The following SHISA6 variants were observed in gnomAD, a reference collection of about 807,000 sequenced individuals.
SHISA6 encodes shisa family member 6, also known as protein shisa-6.
Under a neutral mutation model 47.9 loss-of-function variants are expected in SHISA6, and 22 were observed. The observed-to-expected ratio is 0.46, with a 90% CI of 0.33 to 0.66. The LOEUF is 0.66. Among genes scored for constraint, SHISA6 ranks in the 30% least tolerant of loss-of-function variants. The pLI is 0.02. For synonymous variants in SHISA6, 388 were observed against 337.8 expected (o/e 1.15, Z -1.63); for missense variants, 680 against 764.6 (o/e 0.89, Z 1.30).
chr17:11,510,358 G>C (rs1277106253), intron 3 of SHISA6, among the ~76,000 whole-genome samples: 1 of 152,162 alleles, frequency 6.6e-6, no homozygotes, highest in African/African-American at 2.4e-5. Context: ...GTCCTGGGTA[G>C]GGGGAGAAGA....
chr17:11,453,997 T>C (rs1915467716), intron 3 of SHISA6, among the ~76,000 whole-genome samples: 1 of 152,208 alleles, frequency 6.6e-6, no homozygotes, highest in African/African-American at 2.4e-5. Flanking sequence ...CTTGGGTAAA[T>C]ATCTAGGAGA....
In SHISA6 at chr17:11,347,036, A is replaced by G. The variant is rs1478598275; in HGVS notation, c.800-32378A>G. On this transcript the variant is annotated intron_variant, in intron 2 of 5. Coordinates refer to ENST00000441885, the MANE Select transcript of SHISA6 (RefSeq NM_207386.4). ...TTGAGTCTGTAGCTTAAGTCATGCT[A>G]TGTAGCTGCAAAGTTCCTGTTGATG... Among the ~76,000 whole-genome samples, 7 of 152,194 alleles carry G rather than the reference A, an allele frequency of 4.6e-5. No individual in the cohort carries two copies. The South Asian group carries it at 6.2e-4, about 14-fold the overall frequency.
intron 3 of SHISA6, among the ~76,000 whole-genome samples, chr17:11,384,275 C>G (rs1913123624): frequency 6.6e-6 from 1 of 152,170 alleles, no homozygotes; most frequent in African/African-American, 2.4e-5. Context: ...GGCTGTGCTT[C>G]CATGGGAACC....
chr17:11,481,360 G>GTATA (rs1346846568), intron 3 of SHISA6, among the ~76,000 whole-genome samples: 5 of 111,578 alleles, frequency 4.5e-5, no homozygotes, highest in African/African-American at 1.4e-4. Context: ...GTGTGTGTGT[G>GTATA]TGTGTGTATA....
At chr17:11,278,513 A>G (rs1909007122) in intron 2 of SHISA6, among the ~76,000 whole-genome samples, 1 of 152,198 alleles carries the variant, frequency 6.6e-6, no homozygotes, top group Admixed American at 6.5e-5. Flanking sequence ...AGATGCAACA[A>G]AGCCAGTTTT....
At chr17:11,490,871 A>G (rs879511603) in intron 3 of SHISA6, among the ~76,000 whole-genome samples, 22 of 152,248 alleles carry the variant, frequency 1.4e-4, no homozygotes, top group Non-Finnish European at 2.6e-4. Flanking sequence ...TGATGACTCA[A>G]TGAAGAGAAA....
chr17:11,348,455 T>C, intron 2 of SHISA6, among the ~76,000 whole-genome samples: 1 of 152,194 alleles, frequency 6.6e-6, no homozygotes. Flanking sequence ...CTTGTCACCC[T>C]CTATATTTAA....
At position 11,256,038 on chromosome 17, in the gene SHISA6, T is replaced by C. The variant is rs545905889; in HGVS notation, c.639-7328T>C. 3.9e-5 allele frequency among the ~76,000 whole-genome samples: 6 copies of C among 152,286 alleles called. No homozygotes were observed. The East Asian group carries it at 9.7e-4, about 25-fold the overall frequency. Reference sequence around the variant, plus strand: ...TTTTGGTCTTATTTTTTCAACAAGGTCACAGAGCTACGGGACACTTAAGTA... The same window carrying C: ...TTTTGGTCTTATTTTTTCAACAAGGCCACAGAGCTACGGGACACTTAAGTA... On this transcript the variant is annotated intron_variant, in intron 1 of 5. Coordinates refer to ENST00000441885, the MANE Select transcript of SHISA6 (RefSeq NM_207386.4).
At chr17:11,334,388 TG>T (rs1911244335) in intron 2 of SHISA6, among the ~76,000 whole-genome samples, 2 of 152,112 alleles carry the variant, frequency 1.3e-5, no homozygotes, top group Admixed American at 6.5e-5. Context: ...TTTTTGAGAG[TG>T]CTTGAGAAAC....
chr17:11,408,203 C>T (rs186111407), intron 3 of SHISA6, among the ~76,000 whole-genome samples: 7 of 152,276 alleles, frequency 4.6e-5, no homozygotes, highest in African/African-American at 1.7e-4. Flanking sequence ...TGTTCTCACT[C>T]CTCCTTATGC....
At chr17:11,295,498 A>C (rs768773088) in intron 2 of SHISA6, among the ~76,000 whole-genome samples, 6 of 152,204 alleles carry the variant, frequency 3.9e-5, no homozygotes, top group Non-Finnish European at 8.8e-5. Context: ...TGTAAGCTCT[A>C]TAAAGGAAAT....
chr17:11,522,067 G>A (rs2071634320), intron 3 of SHISA6, among the ~76,000 whole-genome samples: 1 of 152,004 alleles, frequency 6.6e-6, no homozygotes, highest in Admixed American at 6.6e-5. Context: ...CCAGGTTCAT[G>A]CCATCCTCCT....
At chr17:11,447,600 A>G (rs1005444856) in intron 3 of SHISA6, among the ~76,000 whole-genome samples, 3 of 152,204 alleles carry the variant, frequency 2.0e-5, no homozygotes, top group Admixed American at 6.5e-5. Context: ...ACACCCAGCT[A>G]AACGTTTTCA....
intron 3 of SHISA6, among the ~76,000 whole-genome samples, chr17:11,493,983 G>A (rs746985989): frequency 1.6e-4 from 25 of 151,910 alleles, no homozygotes; most frequent in Non-Finnish European, 3.1e-4. Context: ...TCACTGGAGA[G>A]GTGGTGATTA....
chr17:11,407,581 C>A (rs1914001726), intron 3 of SHISA6, among the ~76,000 whole-genome samples: 1 of 151,992 alleles, frequency 6.6e-6, no homozygotes, highest in African/African-American at 2.4e-5. Context: ...CTTTCAATAG[C>A]TAACTTACTT....
At chr17:11,353,956 C>G (rs1911989535) in intron 2 of SHISA6, among the ~76,000 whole-genome samples, 2 of 152,084 alleles carry the variant, frequency 1.3e-5, no homozygotes, top group South Asian at 4.1e-4. Flanking sequence ...AGAGAACCCC[C>G]TACTCCAGGG....
chr17:11,439,623 T>C (rs993687438), intron 3 of SHISA6, among the ~76,000 whole-genome samples: 1 of 152,172 alleles, frequency 6.6e-6, no homozygotes, highest in African/African-American at 2.4e-5. Flanking sequence ...CAACTAATTC[T>C]AAATGCCATC....
At chr17:11,490,274 G>A (rs951820252) in intron 3 of SHISA6, among the ~76,000 whole-genome samples, 2 of 152,182 alleles carry the variant, frequency 1.3e-5, no homozygotes, top group Non-Finnish European at 2.9e-5. Context: ...GAGCAGAGCA[G>A]AGTGGTGAAT....
At chr17:11,422,936 C>G (rs1235734315) in intron 3 of SHISA6, among the ~76,000 whole-genome samples, 1 of 151,194 alleles carries the variant, frequency 6.6e-6, no homozygotes, top group Non-Finnish European at 1.5e-5. Context: ...CCAAAAATTG[C>G]TAGGTAGATT....
Sources: gnomAD v4.1 joint callset for allele counts (sites outside exome capture counted in the v4.1 genomes callset) on GRCh38, gnomAD v4.1.1 for gene constraint, MANE v1.5 for transcripts, NCBI Gene and HGNC (gene_info 2026-07-23, HGNC 2026-07-21) for gene names.